Variants in HSD17B3 observed in about 807,000 individuals in gnomAD.
HSD17B3 encodes the protein 17-beta-hydroxysteroid dehydrogenase type 3.
Under a neutral mutation model 41.1 loss-of-function variants are expected in HSD17B3, and 29 were observed. The ratio of observed to expected loss-of-function variants is 0.71; its 90% CI spans 0.53 to 0.96. The LOEUF is 0.96. Among genes scored for constraint, HSD17B3 ranks in the 40% least tolerant of loss-of-function variants. The probability of loss-of-function intolerance (pLI) is 0.00; values close to 1 mark genes in which losing one functional copy is unlikely to be tolerated. For missense variants in HSD17B3, 323 were observed against 374.6 expected (o/e 0.86, Z 1.14); for synonymous variants, 126 against 145.6 (o/e 0.87, Z 0.97).
chr9:96,252,790 G>A lies in HSD17B3; in HGVS notation c.385+13C>T, dbSNP rs766779824. ...TGTATGACAACAAGCTTTGCATCTT[G>A]CAATTTACTCACCTAAAATTCCAAT... On this transcript the variant is annotated intron_variant, in intron 4 of 10. Coordinates refer to ENST00000375263, the MANE Select transcript of HSD17B3 (RefSeq NM_000197.2). 30 of 1,354,860 alleles carry A rather than the reference G, an allele frequency of 2.2e-5. No homozygotes were observed. The South Asian group carries it at 3.4e-4, about 15-fold the overall frequency. 83.9% of individuals were successfully genotyped at this position (1,354,860 alleles called of 1,614,324 possible). A position where few individuals can be genotyped will look rare whatever the true frequency, so the allele number is the denominator to read the frequency against.
intron 2 of HSD17B3, among the ~76,000 whole-genome samples, chr9:96,261,594 C>T (rs1006724110): frequency 1.3e-5 from 2 of 152,186 alleles, no homozygotes; most frequent in Non-Finnish European, 2.9e-5. Flanking sequence ...GGGTGGGGTG[C>T]ATTCGCCAGG....
intron 2 of HSD17B3, among the ~76,000 whole-genome samples, chr9:96,271,349 A>C (rs1464595059): frequency 1.3e-5 from 2 of 152,190 alleles, no homozygotes; most frequent in African/African-American, 4.8e-5. Context: ...AGTGGGCAAA[A>C]ATTAAACAAT....
At chr9:96,256,051 G>A (rs1162157538) in intron 2 of HSD17B3, among the ~76,000 whole-genome samples, 10 of 152,114 alleles carry the variant, frequency 6.6e-5, no homozygotes, top group Admixed American at 4.6e-4. Flanking sequence ...CCTGAAAGAC[G>A]AAAGGAAAAA....
Position 96,235,581 on chromosome 9 carries a change from G to A in HSD17B3, c.823-11C>T, listed in dbSNP as rs956723112. On this transcript the variant is annotated splice_polypyrimidine_tract_variant and intron_variant, in intron 10 of 10. Coordinates refer to ENST00000375263, the MANE Select transcript of HSD17B3 (RefSeq NM_000197.2). ...GCTCAGAAAGCCCGCCTTAAACAGA[G>A]AGAAGCATCAGTGTTGGGGAGGAAG... The A allele has an allele frequency of 6.2e-7, 1 of 1,607,912 alleles. No homozygotes were observed. The highest frequency in any genetic ancestry group is 1.3e-5 in the African/African-American group (1 of 74,946).
chr9:96,281,947 G>A (rs1240882059), intron 2 of HSD17B3, among the ~76,000 whole-genome samples: 1 of 152,208 alleles, frequency 6.6e-6, no homozygotes, highest in African/African-American at 2.4e-5. Flanking sequence ...CCTCTGTAAA[G>A]TTTTGATTAA....
intron 2 of HSD17B3, among the ~76,000 whole-genome samples, chr9:96,269,959 T>C (rs1437583648): frequency 6.7e-6 from 1 of 148,828 alleles, no homozygotes; most frequent in African/African-American, 2.5e-5. Flanking sequence ...GGACTCAATT[T>C]ACATTAAGTG....
intron 10 of HSD17B3, among the ~76,000 whole-genome samples, chr9:96,237,354 A>G (rs1280071719): frequency 6.6e-6 from 1 of 152,180 alleles, no homozygotes; most frequent in Non-Finnish European, 1.5e-5. Context: ...CTTAAATTCT[A>G]GCTTCACCAT....
chr9:96,272,095 A>G (rs1462133414), intron 2 of HSD17B3, among the ~76,000 whole-genome samples: 1 of 151,750 alleles, frequency 6.6e-6, no homozygotes, highest in Non-Finnish European at 1.5e-5. Flanking sequence ...TAGGTCAGGC[A>G]CGGTGGCTCA....
intron 6 of HSD17B3, chr9:96,249,478 G>A (rs771688316): frequency 2.3e-4 from 109 of 475,260 alleles, no homozygotes; most frequent in Non-Finnish European, 3.5e-4. Context: ...TCCTGAATAC[G>A]TTTCAGCATC....
chr9:96,272,449 A>AAT (rs1390470638), intron 2 of HSD17B3, among the ~76,000 whole-genome samples: 28 of 98,812 alleles, frequency 2.8e-4, no homozygotes, highest in East Asian at 1.2e-3. Flanking sequence ...ATATATATAA[A>AAT]ATATATATGA....
At chr9:96,258,655 A>G (rs1350746991) in intron 2 of HSD17B3, among the ~76,000 whole-genome samples, 1 of 152,218 alleles carries the variant, frequency 6.6e-6, no homozygotes, top group Non-Finnish European at 1.5e-5. Context: ...AATCTTCCAA[A>G]TAAATGAGAA....
chr9:96,242,263 G>A (rs545603846), intron 9 of HSD17B3, among the ~76,000 whole-genome samples: 94 of 152,288 alleles, frequency 6.2e-4, no homozygotes, highest in African/African-American at 2.1e-3. Context: ...TTTCCAGATA[G>A]GGAAGTAATG....
chr9:96,245,891 T>G (rs1412763695), intron 7 of HSD17B3, among the ~76,000 whole-genome samples: 1 of 152,224 alleles, frequency 6.6e-6, no homozygotes, highest in Non-Finnish European at 1.5e-5. Context: ...GTACAGGACC[T>G]GCTCACACAG....
At chr9:96,276,478 G>A (rs1826463709) in intron 2 of HSD17B3, among the ~76,000 whole-genome samples, 1 of 152,098 alleles carries the variant, frequency 6.6e-6, no homozygotes, top group African/African-American at 2.4e-5. Context: ...AAAGTGGGAA[G>A]CATCACACTT....
chr9:96,298,539 C>G, intron 1 of HSD17B3, 77 bp from the exon 2 acceptor site: 2 of 1,248,164 alleles, frequency 1.6e-6, no homozygotes, highest in Non-Finnish European at 2.4e-6. Context: ...CGTTTTCTCA[C>G]AAGCCTAGTC....
intron 2 of HSD17B3, among the ~76,000 whole-genome samples, chr9:96,261,712 G>A (rs570939349): frequency 4.6e-5 from 7 of 152,322 alleles, no homozygotes; most frequent in Admixed American, 1.3e-4. Flanking sequence ...AGGGAGACAC[G>A]CAGACCTGCC....
chr9:96,243,096 G>C (rs1263842169), intron 9 of HSD17B3, among the ~76,000 whole-genome samples: 1 of 152,240 alleles, frequency 6.6e-6, no homozygotes, highest in Admixed American at 6.5e-5. Context: ...AGCACAGTGA[G>C]CCAATGTCTT....
At chr9:96,282,793 A>G (rs1826747134) in intron 2 of HSD17B3, among the ~76,000 whole-genome samples, 1 of 152,224 alleles carries the variant, frequency 6.6e-6, no homozygotes, top group Non-Finnish European at 1.5e-5. Flanking sequence ...GGTAAAAGAT[A>G]ATAAGAAGTC....
At chr9:96,286,578 T>G (rs1414897059) in intron 2 of HSD17B3, among the ~76,000 whole-genome samples, 32 of 151,672 alleles carry the variant, frequency 2.1e-4, no homozygotes, top group Non-Finnish European at 1.5e-5. Flanking sequence ...TAATCCCAGC[T>G]ACTCAGGAGG....
Sources: gnomAD v4.1 joint callset for allele counts (sites outside exome capture counted in the v4.1 genomes callset) on GRCh38, gnomAD v4.1.1 for gene constraint, MANE v1.5 for transcripts, NCBI Gene and HGNC (gene_info 2026-07-23, HGNC 2026-07-21) for gene names.